The following PTPRD variants were observed in gnomAD, a reference collection of about 807,000 sequenced individuals.
PTPRD encodes the protein protein tyrosine phosphatase receptor type D.
In PTPRD, 34 loss-of-function variants were observed where a neutral mutation model predicts 214.5. The observed-to-expected ratio is 0.16, with a 90% CI of 0.12 to 0.21. The LOEUF is 0.21. Ranked by LOEUF, PTPRD falls within the 10% of genes least tolerant of loss-of-function variation. The pLI is 1.00. For synonymous variants in PTPRD, 1,128 were observed against 845.7 expected (o/e 1.33, Z -5.79); for missense variants, 2,545 against 2,398.7 (o/e 1.06, Z -1.27).
At chr9:8,568,016 C>T (rs1178736923) in intron 14 of PTPRD, among the ~76,000 whole-genome samples, 1 of 152,058 alleles carries the variant, frequency 6.6e-6, no homozygotes, top group Non-Finnish European at 1.5e-5. Context: ...GGCTGTCAAC[C>T]ATTTTTAATG....
intron 2 of PTPRD, among the ~76,000 whole-genome samples, chr9:10,350,117 C>A (rs2097157265): frequency 6.6e-6 from 1 of 152,052 alleles, no homozygotes; most frequent in Admixed American, 6.6e-5. Context: ...TTAATATAGA[C>A]CCATTTCATT....
intron 11 of PTPRD, among the ~76,000 whole-genome samples, chr9:8,888,318 C>G (rs1193021741): frequency 6.6e-6 from 1 of 152,100 alleles, no homozygotes; most frequent in Non-Finnish European, 1.5e-5. Context: ...TTTAAAAGTG[C>G]TTTTACATTT....
At chr9:9,564,087 G>C (rs1341901702) in intron 8 of PTPRD, among the ~76,000 whole-genome samples, 1 of 152,108 alleles carries the variant, frequency 6.6e-6, no homozygotes. Context: ...CATTAGAATA[G>C]CATGCTCATC....
chr9:10,591,877 G>C (rs186579313), intron 2 of PTPRD, among the ~76,000 whole-genome samples: 28 of 152,200 alleles, frequency 1.8e-4, no homozygotes, highest in African/African-American at 6.5e-4. Context: ...TTGTAGTTGA[G>C]ACATGGATCC....
chr9:8,340,694 CATT>C (rs1418017239), intron 41 of PTPRD, among the ~76,000 whole-genome samples: 1 of 152,104 alleles, frequency 6.6e-6, no homozygotes, highest in African/African-American at 2.4e-5. Flanking sequence ...ATGTCTTTAT[CATT>C]ATTATTTGAA....
At chr9:10,046,499 T>G (rs562161411) in intron 3 of PTPRD, among the ~76,000 whole-genome samples, 1 of 151,960 alleles carries the variant, frequency 6.6e-6, no homozygotes, top group Admixed American at 6.6e-5. Context: ...TTCCCTACAT[T>G]GATTTTTCTA....
At chr9:8,818,913 G>C (rs908274524) in intron 11 of PTPRD, among the ~76,000 whole-genome samples, 1 of 152,132 alleles carries the variant, frequency 6.6e-6, no homozygotes, top group Non-Finnish European at 1.5e-5. Context: ...GAGTTCCCCG[G>C]TAACATTTGG....
chr9:9,987,679 G>C (rs994377957), intron 4 of PTPRD, among the ~76,000 whole-genome samples: 3 of 152,100 alleles, frequency 2.0e-5, no homozygotes, highest in Non-Finnish European at 4.4e-5. Context: ...ATTACCAAAA[G>C]TAATTCCTTC....
intron 7 of PTPRD, among the ~76,000 whole-genome samples, chr9:9,609,142 C>G (rs1476888688): frequency 6.6e-6 from 1 of 152,034 alleles, no homozygotes; most frequent in Non-Finnish European, 1.5e-5. Flanking sequence ...TTTCTATATT[C>G]TCGTAGTGAT....
chr9:8,491,603 C>T (rs773345454), intron 27 of PTPRD, among the ~76,000 whole-genome samples: 24 of 150,508 alleles, frequency 1.6e-4, no homozygotes, highest in Non-Finnish European at 3.4e-4. Context: ...TCATGCCCCT[C>T]ACTGAATACA....
chr9:9,861,343 T>G (rs1456784171), intron 5 of PTPRD, among the ~76,000 whole-genome samples: 1 of 152,156 alleles, frequency 6.6e-6, no homozygotes, highest in Non-Finnish European at 1.5e-5. Flanking sequence ...CAGGCTGGAG[T>G]GCATTGGCGC....
intron 10 of PTPRD, among the ~76,000 whole-genome samples, chr9:9,066,437 AAATT>A (rs2154404648): frequency 6.6e-6 from 1 of 152,272 alleles, no homozygotes; most frequent in East Asian, 1.9e-4. Context: ...TTAAATTTTC[AAATT>A]AATTGGAATA....
chr9:9,683,638 A>C (rs1008348423), intron 7 of PTPRD, among the ~76,000 whole-genome samples: 22 of 151,722 alleles, frequency 1.5e-4, no homozygotes, highest in Non-Finnish European at 4.4e-5. Flanking sequence ...TGAAGTAATA[A>C]GATTTATTGG....
intron 3 of PTPRD, among the ~76,000 whole-genome samples, chr9:10,281,699 C>T (rs2095122178): frequency 6.6e-6 from 1 of 152,100 alleles, no homozygotes; most frequent in African/African-American, 2.4e-5. Flanking sequence ...ATTGTTGAAT[C>T]CTTTGTAATA....
chr9:10,231,997 T>A (rs903951308), intron 3 of PTPRD, among the ~76,000 whole-genome samples: 42 of 137,136 alleles, frequency 3.1e-4, no homozygotes, highest in African/African-American at 1.3e-3. Flanking sequence ...AGAGTGTGTG[T>A]GTGTGTGTGT....
chr9:8,354,015 G>A (rs1369686799), intron 39 of PTPRD, among the ~76,000 whole-genome samples: 1 of 144,444 alleles, frequency 6.9e-6, no homozygotes, highest in Non-Finnish European at 1.5e-5. Flanking sequence ...CTGGAGTGCA[G>A]TGGTGCGATC....
At chr9:10,100,891 C>A (rs996615952) in intron 3 of PTPRD, among the ~76,000 whole-genome samples, 1 of 151,426 alleles carries the variant, frequency 6.6e-6, no homozygotes, top group Admixed American at 6.6e-5. Context: ...GAAACAAATA[C>A]TAAAAGAGCA....
intron 10 of PTPRD, among the ~76,000 whole-genome samples, chr9:9,171,235 A>G (rs190960775): frequency 6.7e-4 from 102 of 152,206 alleles, no homozygotes; most frequent in African/African-American, 2.3e-3. Flanking sequence ...TAACTTTCAC[A>G]GATCTATAAC....
At chr9:8,543,468 T>C (rs903428645) in intron 14 of PTPRD, among the ~76,000 whole-genome samples, 17 of 152,196 alleles carry the variant, frequency 1.1e-4, no homozygotes, top group Non-Finnish European at 1.5e-4. Context: ...AAATAATGTA[T>C]GTGCATTCAC....
Sources: gnomAD v4.1 joint callset for allele counts (sites outside exome capture counted in the v4.1 genomes callset) on GRCh38, gnomAD v4.1.1 for gene constraint, MANE v1.5 for transcripts, NCBI Gene and HGNC (gene_info 2026-07-23, HGNC 2026-07-21) for gene names.